Variants in PNKD observed in about 807,000 individuals in gnomAD.
PNKD encodes the protein probable thioesterase PNKD.
PNKD carries 36 observed loss-of-function variants against 45.3 expected under a neutral mutation model. The ratio of observed to expected loss-of-function variants is 0.80; its 90% CI spans 0.61 to 1.05. The LOEUF (loss-of-function observed/expected upper bound fraction) is 1.05. Ranked by LOEUF, PNKD falls within the 50% of genes least tolerant of loss-of-function variation. The pLI, the probability that PNKD is intolerant of heterozygous loss-of-function variation, is 0.00. For missense variants in PNKD, 511 were observed against 506.6 expected (o/e 1.01, Z -0.08); for synonymous variants, 197 against 210.1 (o/e 0.94, Z 0.54).
intron 8 of PNKD, 45 bp from the exon 9 acceptor site, chr2:218,344,410 C>T (rs1242569820): frequency 1.5e-6 from 2 of 1,376,310 alleles, no homozygotes; most frequent in Middle Eastern, 1.8e-4. Context: ...GACTGTACCA[C>T]CAATCTCTCT....
chr2:218,284,499 A>G (rs11692830), intron 2 of PNKD, among the ~76,000 whole-genome samples: 147,435 of 152,366 alleles, frequency 0.97, 71,474 homozygotes, highest in East Asian at 1. Flanking sequence ...CGGATGGGCC[A>G]CGGGGACTCC....
chr2:218,271,410 G>C lies in PNKD; in HGVS notation c.97G>C (p.Ala33Pro), dbSNP rs121434513. 488 of 1,613,830 alleles carry C rather than the reference G, an allele frequency of 3.0e-4. 8 individuals carry two copies. The South Asian group carries it at 5.1e-3, about 17-fold the overall frequency. The change falls in exon 2 of 10, where the codon GCT becomes CCT. Residue 33 changes from alanine to proline, a missense_variant. Transcript: ENST00000273077. ...TCTCGCAGGAGCCACAGCTAACAAG[G>C]CTTCTCATAACAGGACCCGGGCCCT... ...GILAGATANK[A>P]SHNRTRALQS...
intron 2 of PNKD, among the ~76,000 whole-genome samples, chr2:218,302,479 G>T (rs1693296581): frequency 6.6e-6 from 1 of 152,206 alleles, no homozygotes. Context: ...CTAAGCAGAA[G>T]GATCAAGCTA....
At chr2:218,277,795 C>G in intron 2 of PNKD, 12 of 1,538,704 alleles carry the variant, frequency 7.8e-6, no homozygotes, top group Non-Finnish European at 1.1e-5. Flanking sequence ...GAGGCAGCCA[C>G]AGAGGAGATC....
At chr2:218,296,823 G>A (rs1278891161) in intron 2 of PNKD, among the ~76,000 whole-genome samples, 8 of 151,938 alleles carry the variant, frequency 5.3e-5, no homozygotes, top group East Asian at 1.9e-4. Flanking sequence ...GATTACAGGC[G>A]CCCACCACAA....
intron 2 of PNKD, among the ~76,000 whole-genome samples, chr2:218,303,194 G>A (rs1046020024): frequency 6.6e-6 from 1 of 152,114 alleles, no homozygotes; most frequent in African/African-American, 2.4e-5. Context: ...GCCCACCTTG[G>A]CCTCCCAAAA....
chr2:218,340,914 A>G lies in PNKD; in HGVS notation c.524+128A>G, dbSNP rs1694655115. ...GGGCCGGCACCCGCCTTCCTCGTGA[A>G]GTCACCTGGACACCAGCAGGGAGGG... On this transcript the variant is annotated intron_variant, in intron 5 of 9. Coordinates refer to ENST00000273077, the MANE Select transcript of PNKD (RefSeq NM_015488.5). The surrounding 1 kb of genome is among the most constrained non-coding windows in gnomAD (Gnocchi z 4.2). 2 of 773,450 alleles carry G rather than the reference A, an allele frequency of 2.6e-6. No individual in the cohort carries two copies. Among genetic ancestry groups the G allele is most frequent in the Admixed American group, 3.7e-5 (2 of 53,970 alleles). 47.9% of individuals were successfully genotyped at this position (773,450 alleles called of 1,614,324 possible).
chr2:218,333,166 T>G (rs1559528919), intron 2 of PNKD, among the ~76,000 whole-genome samples: 2 of 152,334 alleles, frequency 1.3e-5, no homozygotes, highest in East Asian at 3.9e-4. Flanking sequence ...TAATGTCTGT[T>G]GGCCCTCCCT....
intron 2 of PNKD, among the ~76,000 whole-genome samples, chr2:218,323,702 G>T (rs1428252635): frequency 1.3e-5 from 2 of 152,022 alleles, no homozygotes; most frequent in East Asian, 3.9e-4. Context: ...AGGACATCTG[G>T]AGCAAAGTGC....
At chr2:218,325,112 G>T (rs1446384233) in intron 2 of PNKD, among the ~76,000 whole-genome samples, 2 of 146,198 alleles carry the variant, frequency 1.4e-5, no homozygotes, top group African/African-American at 5.1e-5. Flanking sequence ...TGTTGGTCAG[G>T]CTGGTTGCAA....
chr2:218,333,428 A>G (rs1694387587), intron 2 of PNKD, among the ~76,000 whole-genome samples: 1 of 152,082 alleles, frequency 6.6e-6, no homozygotes, highest in South Asian at 2.1e-4. Flanking sequence ...GATGTGCATG[A>G]CCCTGCTCTA....
chr2:218,305,654 A>G (rs6746089), intron 2 of PNKD, among the ~76,000 whole-genome samples: 94,774 of 151,816 alleles, frequency 0.62, 29,764 homozygotes, highest in African/African-American at 0.68. Flanking sequence ...CACCACCCCC[A>G]GCCCAGAGGT....
At position 218,344,536 on chromosome 2, in the gene PNKD, G is replaced by A. The variant is rs1694773083; in HGVS notation, c.950G>A (p.Trp317Ter). The A allele has an allele frequency of 6.3e-7, 1 of 1,591,280 alleles. No individual in the cohort carries two copies. Among genetic ancestry groups the A allele is most frequent in the Non-Finnish European group, 8.6e-7 (1 of 1,168,696 alleles). The change falls in exon 9 of 10, where the codon TGG becomes TAG. Residue 317 changes from tryptophan to a stop codon, truncating the protein, a stop_gained. Transcript: ENST00000273077. LOFTEE classifies it high-confidence loss of function. ...CTGGCCCGGGAGAGGAAGATGCAGTGGGTGCAGCGGCAGCGGCTGGAGCGC... is the reference window on the plus strand; with the variant it reads ...CTGGCCCGGGAGAGGAAGATGCAGTAGGTGCAGCGGCAGCGGCTGGAGCGC... ...ENLARERKMQ[W>*]VQRQRLERKG...
intron 3 of PNKD, 29 bp downstream of exon 3, chr2:218,339,927 C>T (rs747655055): frequency 6.5e-7 from 1 of 1,535,256 alleles, no homozygotes; most frequent in Non-Finnish European, 9.0e-7. Context: ...GGCCAGCATC[C>T]CCCATTCTGT....
intron 1 of PNKD, chr2:218,271,147 T>C: frequency 1.7e-6 from 1 of 586,250 alleles, no homozygotes; most frequent in East Asian, 2.9e-5. Flanking sequence ...AAGCTTTTCG[T>C]CCTGGCACCA....
chr2:218,310,592 C>CTTTT lies in PNKD; in HGVS notation c.237-29177_237-29174dup, dbSNP rs58558174. ...GTCCCATGAGATTATTGCTTTATTG[C>CTTTT]TTTTTTTTTTTTTTTTTGAGGTGGA... On this transcript the variant is annotated intron_variant, in intron 2 of 9. Coordinates refer to ENST00000273077, the MANE Select transcript of PNKD (RefSeq NM_015488.5). Among the ~76,000 whole-genome samples, 79 of 115,734 alleles carry CTTTT rather than the reference C, an allele frequency of 6.8e-4. 2 individuals carry two copies. The highest frequency in any genetic ancestry group is 2.0e-3 in the African/African-American group (59 of 29,030). The allele number at this position is 115,734 out of a possible 152,430, so 75.9% of individuals were successfully genotyped here.
chr2:218,308,182 T>C (rs1192547696), intron 2 of PNKD, among the ~76,000 whole-genome samples: 2 of 146,520 alleles, frequency 1.4e-5, no homozygotes, highest in African/African-American at 2.5e-5. Context: ...ACTGGAAGCA[T>C]TTTAGATTTT....
At position 218,278,640 on chromosome 2, in the gene PNKD, T is replaced by G. The variant is rs187855407; in HGVS notation, c.236+7091T>G. The G allele has an allele frequency of 6.4e-4, 991 of 1,537,192 alleles. 7 individuals are homozygous for G. The African/African-American group carries it at 0.012, about 19-fold the overall frequency. ...TGGCAGCACACACCAGGCCAGTGATTTGGGGCCCAAATAGCCGTTTGGAAG... is the reference window on the plus strand; with the variant it reads ...TGGCAGCACACACCAGGCCAGTGATGTGGGGCCCAAATAGCCGTTTGGAAG... On this transcript the variant is annotated intron_variant, in intron 2 of 9. Transcript: ENST00000273077.
chr2:218,331,026 G>T (rs925473318), intron 2 of PNKD, among the ~76,000 whole-genome samples: 2 of 152,240 alleles, frequency 1.3e-5, no homozygotes, highest in African/African-American at 4.8e-5. Flanking sequence ...AGCAACAGAA[G>T]AAGCCGTATC....
Sources: gnomAD v4.1 joint callset for allele counts (sites outside exome capture counted in the v4.1 genomes callset) on GRCh38, gnomAD v4.1.1 for gene constraint, Gnocchi (gnomAD v3.1) non-coding constraint, MANE v1.5 for transcripts, NCBI Gene and HGNC (gene_info 2026-07-23, HGNC 2026-07-21) for gene names.